The following ZNF678 variants were observed in gnomAD, a reference collection of about 807,000 sequenced individuals.
ZNF678 encodes zinc finger protein 678.
A neutral mutation model predicts 3.0 loss-of-function variants in ZNF678; 5 were observed. That is an observed-to-expected ratio of 1.69 (90% CI 0.88 to 3.56). ZNF678 has a LOEUF of 3.56. ZNF678 is among the 30% of genes most tolerant of loss of function. The pLI is 0.00. For synonymous variants in ZNF678, 218 were observed against 199.6 expected (o/e 1.09, Z -0.78); for missense variants, 593 against 605.0 (o/e 0.98, Z 0.21).
At chr1:227,567,952 C>T (rs1656738803) in intron 1 of ZNF678, among the ~76,000 whole-genome samples, 1 of 152,024 alleles carries the variant, frequency 6.6e-6, no homozygotes, top group African/African-American at 2.4e-5. Context: ...AAGAGGAACA[C>T]ACAAAACTAG....
rs890829048 is a variant in ZNF678 at position 227,661,685 on chromosome 1, A to T, written c.*5857A>T. The T allele has an allele frequency of 3.9e-5, 6 of 152,188 alleles. No homozygotes were observed. The highest frequency in any genetic ancestry group is 8.8e-5 in the Non-Finnish European group (6 of 68,060). 9.4% of individuals were successfully genotyped at this position (152,188 alleles called of 1,614,324 possible). A position where few individuals can be genotyped will look rare whatever the true frequency, so the allele number is the denominator to read the frequency against. Reference sequence around the variant, plus strand: ...TGCAGGAACATTGGGGACATCTCCAAGTCACAGCCAATAGGTGGCAGTCAT... The same window carrying T: ...TGCAGGAACATTGGGGACATCTCCATGTCACAGCCAATAGGTGGCAGTCAT... On this transcript the variant is annotated 3_prime_UTR_variant, in exon 4 of 4. Coordinates refer to ENST00000343776, the MANE Select transcript of ZNF678 (RefSeq NM_001367909.1).
chr1:227,641,161 G>T (rs919414694), intron 1 of ZNF678, among the ~76,000 whole-genome samples: 1 of 152,220 alleles, frequency 6.6e-6, no homozygotes, highest in African/African-American at 2.4e-5. Context: ...GCTATGGCCT[G>T]CTCTCCGGAG....
chr1:227,564,848 C>T (rs1370443513), intron 1 of ZNF678, among the ~76,000 whole-genome samples: 3 of 152,090 alleles, frequency 2.0e-5, no homozygotes, highest in African/African-American at 7.2e-5. Context: ...TCTCCTGCCT[C>T]AGCCTCCTGA....
At position 227,658,641 on chromosome 1, in the gene ZNF678, AT is replaced by A. The variant is rs1659319118; in HGVS notation, c.*2817del. The A allele has an allele frequency of 1.3e-5, 2 of 152,034 alleles. No homozygotes were observed. Among genetic ancestry groups the A allele is most frequent in the Admixed American group, 6.6e-5 (1 of 15,240 alleles). 9.4% of individuals were successfully genotyped at this position (152,034 alleles called of 1,614,324 possible). A position where few individuals can be genotyped will look rare whatever the true frequency, so the allele number is the denominator to read the frequency against. On this transcript the variant is annotated 3_prime_UTR_variant, in exon 4 of 4. Transcript: ENST00000343776. The stretch of plus-strand genomic sequence containing the variant: ...TGCAGCCCATGTAATTTCATACAGT[AT>A]TTTGTAGGTTGTGATAAGGAATTTG...
chr1:227,592,113 A>G (rs937402062), intron 1 of ZNF678, among the ~76,000 whole-genome samples: 35 of 152,228 alleles, frequency 2.3e-4, no homozygotes, highest in African/African-American at 8.2e-4. Context: ...CAATACCTCT[A>G]CATAGTTATG....
intron 1 of ZNF678, among the ~76,000 whole-genome samples, chr1:227,633,656 C>G (rs1658605687): frequency 6.6e-6 from 1 of 152,188 alleles, no homozygotes; most frequent in African/African-American, 2.4e-5. Flanking sequence ...GACACCCACC[C>G]AGGGAGTGAG....
rs1255653394 is a variant in ZNF678, at chr1:227,563,587, C to G, written c.-301C>G. On this transcript the variant is annotated 5_prime_UTR_variant, in exon 1 of 4. Transcript: ENST00000343776. ...CTTGTGCTCCAGCTGGAGCTTTGGT[C>G]CCGTATTCTCGGCTATTTATCCCCA... 14 of 916,706 alleles carry G rather than the reference C, an allele frequency of 1.5e-5. No individual in the cohort carries two copies. Among genetic ancestry groups the G allele is most frequent in the Non-Finnish European group, 2.0e-5 (13 of 634,556 alleles). 56.8% of individuals were successfully genotyped at this position (916,706 alleles called of 1,614,324 possible).
chr1:227,585,742 A>G (rs960071349), intron 1 of ZNF678, among the ~76,000 whole-genome samples: 1 of 151,906 alleles, frequency 6.6e-6, no homozygotes, highest in Admixed American at 6.6e-5. Flanking sequence ...ACACCACTGC[A>G]CTCCAGCCTG....
chr1:227,640,386 G>A lies in ZNF678; in HGVS notation c.-163-6158G>A, dbSNP rs188946172. On this transcript the variant is annotated intron_variant, in intron 1 of 3. Coordinates refer to ENST00000343776, the MANE Select transcript of ZNF678 (RefSeq NM_001367909.1). Reference sequence around the variant, plus strand: ...TGGTTGAGAGGAAGAGGTAGGGACTGGGAGGGGTGGGCAGCAGTCTGCTGG... The same window carrying A: ...TGGTTGAGAGGAAGAGGTAGGGACTAGGAGGGGTGGGCAGCAGTCTGCTGG... Among the ~76,000 whole-genome samples the A allele has an allele frequency of 4.1e-3, 620 of 152,122 alleles. 6 individuals carry two copies. Among genetic ancestry groups the A allele is most frequent in the African/African-American group, 0.014 (598 of 41,486 alleles).
Position 227,659,552 on chromosome 1 carries a change from A to T in ZNF678, c.*3724A>T, listed in dbSNP as rs1041166562. The T allele has an allele frequency of 6.6e-6, 1 of 152,116 alleles. No homozygotes were observed. The highest frequency in any genetic ancestry group is 1.5e-5 in the Non-Finnish European group (1 of 68,020). The allele number at this position is 152,116 out of a possible 1,614,324, so 9.4% of individuals were successfully genotyped here. On this transcript the variant is annotated 3_prime_UTR_variant, in exon 4 of 4. Coordinates refer to ENST00000343776, the MANE Select transcript of ZNF678 (RefSeq NM_001367909.1). ...GCCATAGAGTCCTTTGGTGACTCCC[A>T]TGTTCTGTGCTGGTTCTAGAACATG...
intron 5 of ZNF678, among the ~76,000 whole-genome samples, chr1:227,674,202 T>G (rs1659645698): frequency 6.6e-6 from 1 of 152,138 alleles, no homozygotes; most frequent in South Asian, 2.1e-4. Context: ...GCCTTTAGAT[T>G]ATAGGTTAGT....
chr1:227,631,044 AAT>A (rs1194895256), intron 1 of ZNF678, among the ~76,000 whole-genome samples: 1 of 152,062 alleles, frequency 6.6e-6, no homozygotes, highest in African/African-American at 2.4e-5. Context: ...GCTGCAGAGG[AAT>A]ATAAGTTGTT....
At chr1:227,672,649 G>A (rs942283383) in intron 5 of ZNF678, among the ~76,000 whole-genome samples, 6 of 152,188 alleles carry the variant, frequency 3.9e-5, no homozygotes, top group Admixed American at 3.3e-4. Context: ...TGTGACTTGA[G>A]GGAGTAAATA....
intron 1 of ZNF678, among the ~76,000 whole-genome samples, chr1:227,635,529 G>GTGTGTA (rs1658654807): frequency 6.8e-6 from 1 of 147,236 alleles, no homozygotes; most frequent in Admixed American, 6.7e-5. Context: ...GTGTGTGTGT[G>GTGTGTA]TGTGTGTGTG....
chr1:227,606,713 G>T (rs1298741764), intron 1 of ZNF678, among the ~76,000 whole-genome samples: 1 of 152,168 alleles, frequency 6.6e-6, no homozygotes, highest in African/African-American at 2.4e-5. Flanking sequence ...TTCTTGGGCA[G>T]AGGTCCCTGC....
At chr1:227,613,064 C>T (rs774801351) in intron 1 of ZNF678, among the ~76,000 whole-genome samples, 18 of 152,104 alleles carry the variant, frequency 1.2e-4, no homozygotes, top group Non-Finnish European at 1.9e-4. Flanking sequence ...CAGCAGACAG[C>T]GATGGGCTAA....
intron 1 of ZNF678, among the ~76,000 whole-genome samples, chr1:227,593,323 T>A (rs560217062): frequency 2.6e-5 from 4 of 152,342 alleles, no homozygotes; most frequent in East Asian, 3.9e-4. Flanking sequence ...ATCCTGTCTT[T>A]ATTGCTAAAG....
Position 227,655,135 on chromosome 1 carries a change from T to G in ZNF678, c.885T>G (p.Cys295Trp). The change falls in exon 4 of 4, where the codon TGT becomes TGG. Residue 295 changes from cysteine (C) to tryptophan (W), a missense_variant. Cys to Trp is a radical substitution (Grantham distance 215). Coordinates refer to ENST00000343776, the MANE Select transcript of ZNF678 (RefSeq NM_001367909.1). Reference protein sequence around the residue: ...RIHTGEKPYKCEECGKAFTQF... With the variant: ...RIHTGEKPYKWEECGKAFTQF... Reference sequence around the variant, plus strand: ...ATACTGGAGAGAAACCCTACAAATGTGAAGAATGTGGCAAAGCCTTTACAC... The same window carrying G: ...ATACTGGAGAGAAACCCTACAAATGGGAAGAATGTGGCAAAGCCTTTACAC... 1 of 1,612,842 alleles carries G rather than the reference T, an allele frequency of 6.2e-7. No individual in the cohort carries two copies. The highest frequency in any genetic ancestry group is 8.5e-7 in the Non-Finnish European group (1 of 1,179,550).
chr1:227,572,101 ATATGTAGACAAC>A (rs1225452441), intron 1 of ZNF678, among the ~76,000 whole-genome samples: 2 of 152,256 alleles, frequency 1.3e-5, no homozygotes, highest in Non-Finnish European at 2.9e-5. Flanking sequence ...CAGATACTCC[ATATGTAGACAAC>A]TATGCTCATA....
Sources: allele counts gnomAD v4.1 joint callset (sites outside exome capture counted in the v4.1 genomes callset), GRCh38; gene constraint gnomAD v4.1.1; transcripts MANE v1.5; gene names NCBI Gene and HGNC (gene_info 2026-07-23, HGNC 2026-07-21).